Variants in ANKRD45 observed in about 807,000 individuals in gnomAD.
ANKRD45 encodes ankyrin repeat domain 45, also known as ankyrin repeat domain-containing protein 45.
Under a neutral mutation model 28.1 loss-of-function variants are expected in ANKRD45, and 21 were observed. The ratio of observed to expected loss-of-function variants is 0.75; its 90% CI spans 0.53 to 1.08. The LOEUF is 1.08. ANKRD45 is among the 50% of genes least tolerant of loss of function. ANKRD45 has a pLI of 0.00. For synonymous variants in ANKRD45, 86 were observed against 103.9 expected, an observed-to-expected ratio of 0.83 and a Z score of 1.05; for missense variants, 261 against 308.7, an observed-to-expected ratio of 0.85 and a Z score of 1.16.
rs538752532 is a variant in ANKRD45 at position 173,643,255 on chromosome 1, C to G, written c.496+3591G>C. 3.5e-4 allele frequency among the ~76,000 whole-genome samples: 52 copies of G among 149,692 alleles called. No homozygotes were observed. In the East Asian group the frequency reaches 5.0e-3, roughly 14 times the overall value. On this transcript the variant is annotated intron_variant, in intron 3 of 5. Transcript: ENST00000333279. Reference sequence around the variant, plus strand: ...GTGGCTCCATCTTGGCTCACTGCAACCTCTGCCACCCTGGTTCAAGCGATT... The same window carrying G: ...GTGGCTCCATCTTGGCTCACTGCAAGCTCTGCCACCCTGGTTCAAGCGATT...
chr1:173,646,364 G>A (rs558151997), intron 3 of ANKRD45, among the ~76,000 whole-genome samples: 136 of 152,306 alleles, frequency 8.9e-4, no homozygotes, highest in African/African-American at 3.1e-3. Flanking sequence ...TCCCCATGCC[G>A]TAAGGGTAGC....
chr1:173,697,757 C>T, the ANKRD45 span, among the ~76,000 whole-genome samples: 1 of 152,190 alleles, frequency 6.6e-6, no homozygotes, highest in African/African-American at 2.4e-5. Context: ...ACTGCATCAA[C>T]TAACGGGCAA....
intron 2 of ANKRD45, chr1:173,658,362 T>C (rs1364201177): frequency 6.6e-6 from 1 of 152,188 alleles, no homozygotes; most frequent in Non-Finnish European, 1.5e-5. Flanking sequence ...ATGAAGTGTG[T>C]TCTTGTTTTC....
At chr1:173,663,269 C>G (rs904740451) in intron 1 of ANKRD45, among the ~76,000 whole-genome samples, 2 of 152,158 alleles carry the variant, frequency 1.3e-5, no homozygotes, top group African/African-American at 4.8e-5. Context: ...GATCTTGAAT[C>G]TTGAACAAGG....
the ANKRD45 span, among the ~76,000 whole-genome samples, chr1:173,703,694 T>C: frequency 6.6e-6 from 1 of 152,226 alleles, no homozygotes; most frequent in South Asian, 2.1e-4. Context: ...ATTTGGAGAA[T>C]TTCCTCTCAC....
At chr1:173,708,147 C>T in the ANKRD45 span, among the ~76,000 whole-genome samples, 3 of 152,270 alleles carry the variant, frequency 2.0e-5, no homozygotes, top group African/African-American at 7.2e-5. Flanking sequence ...GTCTTTTCTT[C>T]CATATTAACT....
At chr1:173,686,475 G>A in the ANKRD45 span, among the ~76,000 whole-genome samples, 1 of 152,176 alleles carries the variant, frequency 6.6e-6, no homozygotes, top group Non-Finnish European at 1.5e-5. Context: ...ACAAGTTAGA[G>A]TCATTCCTAT....
chr1:173,642,635 A>G (rs560113381), intron 3 of ANKRD45, among the ~76,000 whole-genome samples: 1 of 152,334 alleles, frequency 6.6e-6, no homozygotes, highest in Admixed American at 6.5e-5. Flanking sequence ...TTTAGCCTAG[A>G]TATTTGCCTG....
At chr1:173,687,378 C>G in the ANKRD45 span, among the ~76,000 whole-genome samples, 1 of 152,046 alleles carries the variant, frequency 6.6e-6, no homozygotes, top group Non-Finnish European at 1.5e-5. Context: ...CACAAACATC[C>G]CTTTTATTTA....
At chr1:173,641,732 A>C (rs966263370) in intron 3 of ANKRD45, among the ~76,000 whole-genome samples, 1 of 152,178 alleles carries the variant, frequency 6.6e-6, no homozygotes, top group African/African-American at 2.4e-5. Flanking sequence ...ACTCCATTTG[A>C]GTCCTTTGAT....
intron 3 of ANKRD45, among the ~76,000 whole-genome samples, chr1:173,630,680 C>T (rs1195202682): frequency 6.8e-6 from 1 of 146,438 alleles, no homozygotes; most frequent in Admixed American, 6.8e-5. Flanking sequence ...AATTAGCTGG[C>T]GTCGTGGTGC....
At chr1:173,617,029 A>G (rs866431122) in intron 5 of ANKRD45, among the ~76,000 whole-genome samples, 3 of 151,792 alleles carry the variant, frequency 2.0e-5, no homozygotes, top group Non-Finnish European at 4.4e-5. Context: ...AAAGTGAGAA[A>G]CCACACTTCT....
At chr1:173,682,374 A>G in the ANKRD45 span, among the ~76,000 whole-genome samples, 1 of 152,202 alleles carries the variant, frequency 6.6e-6, no homozygotes, top group Admixed American at 6.5e-5. Flanking sequence ...ATCAGGTAAC[A>G]TAATACAAAA....
chr1:173,639,502 A>G lies in ANKRD45; in HGVS notation c.496+7344T>C, dbSNP rs117230794. Reference sequence around the variant, plus strand: ...AGAACACAGAAGGAAAATGGATACTACCAGATCAAAGGGAGATGTTATCCA... The same window carrying G: ...AGAACACAGAAGGAAAATGGATACTGCCAGATCAAAGGGAGATGTTATCCA... On this transcript the variant is annotated intron_variant, in intron 3 of 5. Coordinates refer to ENST00000333279, the MANE Select transcript of ANKRD45 (RefSeq NM_198493.3). 1.4e-4 allele frequency among the ~76,000 whole-genome samples: 22 copies of G among 152,334 alleles called. 1 individual carries two copies. In the East Asian group the frequency reaches 4.2e-3, roughly 29 times the overall value.
intron 3 of ANKRD45, among the ~76,000 whole-genome samples, chr1:173,639,073 T>C (rs1668591202): frequency 6.6e-6 from 1 of 152,334 alleles, no homozygotes; most frequent in Non-Finnish European, 1.5e-5. Flanking sequence ...GTGTCCTGTT[T>C]GCACTCAACC....
the ANKRD45 span, among the ~76,000 whole-genome samples, chr1:173,678,103 C>A: frequency 2.4e-3 from 364 of 152,196 alleles, no homozygotes; most frequent in Admixed American, 4.0e-3. Flanking sequence ...AAAAAAAGTC[C>A]AGGACAACAC....
chr1:173,672,742 G>A (rs1035947671), upstream of ANKRD45, among the ~76,000 whole-genome samples: 1 of 152,168 alleles, frequency 6.6e-6, no homozygotes, highest in African/African-American at 2.4e-5. Context: ...CATGGCAAGA[G>A]TGTGGCCTAG....
chr1:173,656,544 A>T (rs1468313022), intron 2 of ANKRD45, among the ~76,000 whole-genome samples: 1 of 152,188 alleles, frequency 6.6e-6, no homozygotes, highest in Non-Finnish European at 1.5e-5. Context: ...AAAAGCCCTG[A>T]TTTGTATCAT....
chr1:173,667,246 T>C (rs544833777), intron 1 of ANKRD45, among the ~76,000 whole-genome samples: 30 of 152,318 alleles, frequency 2.0e-4, no homozygotes, highest in African/African-American at 6.5e-4. Context: ...TTTTCTTCTT[T>C]ACAAAATCAG....
Sources: gnomAD v4.1 joint callset for allele counts (sites outside exome capture counted in the v4.1 genomes callset) on GRCh38, gnomAD v4.1.1 for gene constraint, MANE v1.5 for transcripts, NCBI Gene and HGNC (gene_info 2026-07-23, HGNC 2026-07-21) for gene names.